The following SLC2A11 variants were observed in gnomAD, a reference collection of about 807,000 sequenced individuals.
The protein encoded by SLC2A11 is solute carrier family 2 member 11.
Under a neutral mutation model 52.1 loss-of-function variants are expected in SLC2A11, and 43 were observed. The ratio of observed to expected loss-of-function variants is 0.82; its 90% CI spans 0.65 to 1.06. The LOEUF is 1.06. Ranked by LOEUF, SLC2A11 falls within the 50% of genes least tolerant of loss-of-function variation. The pLI, the probability that SLC2A11 is intolerant of heterozygous loss-of-function variation, is 0.00. For synonymous variants in SLC2A11, 261 were observed against 277.6 expected (o/e 0.94, Z 0.59); for missense variants, 582 against 654.2 (o/e 0.89, Z 1.20).
At chr22:23,879,690 C>A (rs1202034172) in intron 6 of SLC2A11, 1 of 151,946 alleles carries the variant, frequency 6.6e-6, no homozygotes, top group Non-Finnish European at 1.5e-5. Flanking sequence ...GACACCTGAT[C>A]TGCCTAGCGT....
intron 8 of SLC2A11, chr22:23,883,132 G>C (rs940403936): frequency 5.1e-5 from 25 of 490,046 alleles, no homozygotes; most frequent in African/African-American, 3.5e-4. Context: ...CGTGGTGGCG[G>C]GCGCCTGTAA....
intron 6 of SLC2A11, among the ~76,000 whole-genome samples, chr22:23,879,108 T>G (rs4822442): frequency 0.77 from 117,062 of 152,016 alleles, 45,398 homozygotes; most frequent in African/African-American, 0.87. Context: ...CTACCCCCTA[T>G]GAAGGGCACC....
At chr22:23,874,702 TCAG>T (rs766735263) in intron 3 of SLC2A11, among the ~76,000 whole-genome samples, 2 of 152,134 alleles carry the variant, frequency 1.3e-5, no homozygotes, top group African/African-American at 2.4e-5. Context: ...TCCACCCACC[TCAG>T]CATCCCAAAG....
chr22:23,860,763 A>T (rs1220631568), intron 1 of SLC2A11, among the ~76,000 whole-genome samples: 2 of 144,788 alleles, frequency 1.4e-5, no homozygotes, highest in East Asian at 4.2e-4. Context: ...GTCTCACTCA[A>T]CCTCCACCTC....
chr22:23,883,641 A>G (rs373031167), intron 8 of SLC2A11, 131 bp from the exon 9 acceptor site: 1 of 693,840 alleles, frequency 1.4e-6, no homozygotes, highest in Middle Eastern at 4.3e-4. Flanking sequence ...GGAAATTAAT[A>G]AAGTCACACT....
upstream of SLC2A11, chr22:23,857,517 C>T (rs16986337): frequency 0.035 from 57,250 of 1,612,776 alleles, 3,608 homozygotes; most frequent in African/African-American, 0.28. Context: ...GCCGTCCTTA[C>T]GGCCTCGGAC....
intron 6 of SLC2A11, among the ~76,000 whole-genome samples, chr22:23,879,242 TTTC>T (rs1016028819): frequency 6.6e-6 from 1 of 151,942 alleles, no homozygotes; most frequent in African/African-American, 2.4e-5. Context: ...GCACGGAAGT[TTTC>T]TTCTTTTTTG....
At chr22:23,869,604 T>G (rs1228082754) in intron 3 of SLC2A11, 2 of 179,204 alleles carry the variant, frequency 1.1e-5, no homozygotes, top group Non-Finnish European at 2.3e-5. Context: ...GAGCCTTGAT[T>G]GTGCCACTGT....
upstream of SLC2A11, chr22:23,857,407 C>A: frequency 6.3e-7 from 1 of 1,597,558 alleles, no homozygotes; most frequent in African/African-American, 1.3e-5. Flanking sequence ...CCAGAGCTCC[C>A]TTCCGGCCTG....
chr22:23,869,983 T>G, intron 3 of SLC2A11: 1 of 717,616 alleles, frequency 1.4e-6, no homozygotes, highest in Admixed American at 2.0e-5. Context: ...GGTGGAGTTC[T>G]CATGGCCTAA....
intron 3 of SLC2A11, 24 bp from the exon 4 acceptor site, chr22:23,875,093 T>A (rs776732032): frequency 1.3e-6 from 2 of 1,538,304 alleles, no homozygotes; most frequent in Non-Finnish European, 1.8e-6. Flanking sequence ...AGCCTCTCTT[T>A]CTGTGTGTTT....
rs145231987 is a variant in SLC2A11, at chr22:23,884,315, G to T, written c.1185G>T (p.Gly395=). The T allele has an allele frequency of 6.2e-7, 1 of 1,613,778 alleles. No individual in the cohort carries two copies. ...SFGIGPAGVT[G]ILATELFDQM... is the part of the protein sequence containing the mutation. Reference sequence around the variant, plus strand: ...CCCTCCTTCTAGCCGGAGTGACGGGGATCCTGGCCACAGAGCTGTTTGACC... The same window carrying T: ...CCCTCCTTCTAGCCGGAGTGACGGGTATCCTGGCCACAGAGCTGTTTGACC... Residue 395 remains glycine (G), a synonymous_variant, in exon 11 of 12, where the codon GGG becomes GGT. Coordinates refer to ENST00000316185, the MANE Select transcript of SLC2A11 (RefSeq NM_001024939.4). This position sits in a 1 kb window ranked among gnomAD's most constrained non-coding sequence, Gnocchi z 4.3.
intron 5 of SLC2A11, 52 bp downstream of exon 5, chr22:23,877,223 G>T (rs1490464378): frequency 1.3e-6 from 2 of 1,574,164 alleles, no homozygotes; most frequent in Non-Finnish European, 1.7e-6. Flanking sequence ...ACCAGTAAAA[G>T]CGTTTCTTCA....
At chr22:23,868,358 C>T (rs1298007730) in intron 2 of SLC2A11, 123 bp from the exon 3 acceptor site, 1 of 1,213,030 alleles carries the variant, frequency 8.2e-7, no homozygotes, top group Non-Finnish European at 1.2e-6. Context: ...GCTCAGAAGA[C>T]ACGGTGCCTG....
At chr22:23,880,722 TTTG>T (rs1339172678) in intron 6 of SLC2A11, 5 of 152,214 alleles carry the variant, frequency 3.3e-5, no homozygotes, top group Admixed American at 6.5e-5. Flanking sequence ...GAAAACATTT[TTTG>T]TTGTTGTTTT....
In SLC2A11 at chr22:23,885,765, G is replaced by A. The variant is rs143975934; in HGVS notation, c.*916G>A. The A allele has an allele frequency of 2.0e-5, 3 of 152,254 alleles. No individual in the cohort carries two copies. The highest frequency in any genetic ancestry group is 6.5e-5 in the Admixed American group (1 of 15,290). 9.4% of individuals were successfully genotyped at this position (152,254 alleles called of 1,614,324 possible). A position where few individuals can be genotyped will look rare whatever the true frequency, so the allele number is the denominator to read the frequency against. On this transcript the variant is annotated 3_prime_UTR_variant, in exon 12 of 12. Transcript: ENST00000316185. The stretch of plus-strand genomic sequence containing the variant: ...TATGCATACCAGGAGGCCCGACCTC[G>A]TCTGAGAGGGGAGTGGTCAGAAAAG...
chr22:23,868,434 C>T (rs1344196744), intron 2 of SLC2A11, 47 bp from the exon 3 acceptor site: 4 of 1,606,766 alleles, frequency 2.5e-6, no homozygotes, highest in African/African-American at 1.3e-5. Context: ...CATCTAGCAC[C>T]CCCACGCCAC....
At chr22:23,869,828 A>G in intron 3 of SLC2A11, 3 of 585,360 alleles carry the variant, frequency 5.1e-6, no homozygotes, top group Non-Finnish European at 9.1e-6. Context: ...TCTGCTTCCA[A>G]GATGGTGCCT....
chr22:23,878,108 C>T (rs200571210), intron 6 of SLC2A11, among the ~76,000 whole-genome samples: 4 of 152,194 alleles, frequency 2.6e-5, no homozygotes, highest in African/African-American at 4.8e-5. Context: ...AACTCCAGAG[C>T]GGTGCGGAGA....
Sources: gnomAD v4.1 joint callset for allele counts (sites outside exome capture counted in the v4.1 genomes callset) on GRCh38, gnomAD v4.1.1 for gene constraint, Gnocchi (gnomAD v3.1) non-coding constraint, MANE v1.5 for transcripts, NCBI Gene and HGNC (gene_info 2026-07-23, HGNC 2026-07-21) for gene names.